The following PDE5A variants were observed in gnomAD, a reference collection of about 807,000 sequenced individuals.
The protein encoded by PDE5A is cGMP-specific 3',5'-cyclic phosphodiesterase.
A neutral mutation model predicts 110.2 loss-of-function variants in PDE5A; 67 were observed. The ratio of observed to expected loss-of-function variants is 0.61; its 90% CI spans 0.50 to 0.75. PDE5A has a LOEUF of 0.75. Among genes scored for constraint, PDE5A ranks in the 30% least tolerant of loss-of-function variants. The pLI, the probability that PDE5A is intolerant of heterozygous loss-of-function variation, is 0.00. For missense variants in PDE5A, 862 were observed against 1,045.1 expected (o/e 0.82, Z 2.42); for synonymous variants, 328 against 351.2 (o/e 0.93, Z 0.74).
chr4:119,504,738 A>C (rs1725499061), intron 17 of PDE5A, 139 bp from the exon 18 acceptor site: 2 of 539,544 alleles, frequency 3.7e-6, no homozygotes, highest in Non-Finnish European at 6.5e-6. Context: ...AAGAAAAAGA[A>C]ACAATTTATA....
chr4:119,627,861 C>T lies in PDE5A; in HGVS notation c.152+659G>A, dbSNP rs535720022. 18 of 186,088 alleles carry T rather than the reference C, an allele frequency of 9.7e-5. 1 individual carries two copies. In the East Asian group the frequency reaches 3.2e-3, roughly 33 times the overall value. 11.5% of individuals were successfully genotyped at this position (186,088 alleles called of 1,614,324 possible). ...GCTCCAGGCGGCGCCTCCCCTGCGC[C>T]CTTTGTGTGCACGCCGCAAACCCCT... On this transcript the variant is annotated intron_variant, in intron 1 of 20. Transcript: ENST00000354960. This position sits in a 1 kb window ranked among gnomAD's most constrained non-coding sequence, Gnocchi z 4.6.
In PDE5A at chr4:119,502,568, G is replaced by A. The variant is rs775997792; in HGVS notation, c.2406+13C>T. The A allele has an allele frequency of 6.7e-7, 1 of 1,493,514 alleles. No individual in the cohort carries two copies. The highest frequency in any genetic ancestry group is 1.8e-5 in the Admixed American group (1 of 55,490). 92.5% of individuals were successfully genotyped at this position (1,493,514 alleles called of 1,614,324 possible). On this transcript the variant is annotated intron_variant, in intron 19 of 20. Coordinates refer to ENST00000354960, the MANE Select transcript of PDE5A (RefSeq NM_001083.4). ...AATTTGAATAATTCCTACCAACAAG[G>A]TTTCATACTTACAGTGGGTTCTATG...
intron 3 of PDE5A, among the ~76,000 whole-genome samples, chr4:119,583,969 G>GA (rs2110524141): frequency 6.6e-6 from 1 of 152,298 alleles, no homozygotes; most frequent in Non-Finnish European, 1.5e-5. Flanking sequence ...TGATAGCAGG[G>GA]AAAACTTTAA....
Position 119,582,091 on chromosome 4 carries a change from T to G in PDE5A, c.831+14432A>C, listed in dbSNP as rs369034219. Among the ~76,000 whole-genome samples the G allele has an allele frequency of 2.6e-5, 4 of 152,316 alleles. No individual in the cohort carries two copies. In the East Asian group the frequency reaches 7.7e-4, roughly 29 times the overall value. ...GATTGACTCTTCCTTTCATGATAGA[T>G]TCCTCTGTAGCATGTGATGCTGTTT... is the stretch of plus-strand genomic sequence containing the variant. On this transcript the variant is annotated intron_variant, in intron 3 of 20. Transcript: ENST00000354960.
intron 9 of PDE5A, among the ~76,000 whole-genome samples, chr4:119,545,336 C>A (rs1377368546): frequency 6.6e-6 from 1 of 152,054 alleles, no homozygotes; most frequent in Admixed American, 6.5e-5. Context: ...TTAAGGAGTA[C>A]AATAATGAAA....
At chr4:119,541,601 T>A (rs1726931159) in intron 10 of PDE5A, among the ~76,000 whole-genome samples, 1 of 152,110 alleles carries the variant, frequency 6.6e-6, no homozygotes, top group Non-Finnish European at 1.5e-5. Flanking sequence ...TCTAGCTCTT[T>A]AAGGTTAGTT....
At chr4:119,528,517 G>A (rs1044230072) in intron 11 of PDE5A, among the ~76,000 whole-genome samples, 2 of 152,070 alleles carry the variant, frequency 1.3e-5, no homozygotes, top group African/African-American at 4.8e-5. Context: ...ATGAGATGAT[G>A]ATCAGAAACA....
Position 119,562,936 on chromosome 4 carries a change from T to C in PDE5A, c.1028A>G (p.Glu343Gly). 1 of 1,599,900 alleles carries C rather than the reference T, an allele frequency of 6.3e-7. No individual in the cohort carries two copies. The highest frequency in any genetic ancestry group is 8.5e-7 in the Non-Finnish European group (1 of 1,175,320). The change falls in exon 6 of 21, where the codon GAA becomes GGA. Residue 343 changes from glutamate to glycine, a missense_variant. Glu to Gly is a moderately conservative substitution (Grantham distance 98, BLOSUM62 -2). Transcript: ENST00000354960. ...CAAAATTACTTCTAATGATTGTTGT[T>C]CTTCAAAAATTAAACTAGCAAGGTC... ...LLDLASLIFEEQQSLEVILKK... is the reference protein window; with the variant it reads ...LLDLASLIFEGQQSLEVILKK...
intron 11 of PDE5A, among the ~76,000 whole-genome samples, chr4:119,537,708 C>T (rs181108542): frequency 3.3e-5 from 5 of 151,920 alleles, no homozygotes; most frequent in Non-Finnish European, 4.4e-5. Context: ...ACCACCTCAT[C>T]GCTTGAGTCC....
At chr4:119,532,887 G>A (rs1202692649) in intron 11 of PDE5A, among the ~76,000 whole-genome samples, 1 of 152,070 alleles carries the variant, frequency 6.6e-6, no homozygotes, top group African/African-American at 2.4e-5. Context: ...AAGGCATTCT[G>A]CTTGCCTTAG....
chr4:119,504,421 G>A (rs1403583394), intron 18 of PDE5A, 115 bp downstream of exon 18: 3 of 720,244 alleles, frequency 4.2e-6, no homozygotes, highest in Non-Finnish European at 6.9e-6. Context: ...GAACATATAA[G>A]TGTCTTTTTT....
At chr4:119,510,731 C>T (rs977619250) in intron 15 of PDE5A, among the ~76,000 whole-genome samples, 3 of 152,018 alleles carry the variant, frequency 2.0e-5, no homozygotes, top group Non-Finnish European at 2.9e-5. Context: ...ATAGAAACCA[C>T]TTCATTCGAT....
chr4:119,607,774 A>T (rs1237467569), intron 1 of PDE5A, among the ~76,000 whole-genome samples: 1 of 152,148 alleles, frequency 6.6e-6, no homozygotes, highest in African/African-American at 2.4e-5. Context: ...TTTGGAAAAC[A>T]ATAGAGGACA....
chr4:119,602,688 A>T (rs1560636415), intron 2 of PDE5A, among the ~76,000 whole-genome samples: 1 of 152,224 alleles, frequency 6.6e-6, no homozygotes, highest in African/African-American at 2.4e-5. Flanking sequence ...AACAATTCGT[A>T]TTTCTTTAGA....
At chr4:119,507,234 C>A (rs943923395) in intron 16 of PDE5A, among the ~76,000 whole-genome samples, 1 of 151,668 alleles carries the variant, frequency 6.6e-6, no homozygotes, top group African/African-American at 2.4e-5. Flanking sequence ...GCTTGAATGA[C>A]GGTATAAAGG....
chr4:119,608,026 T>C (rs974772372), intron 1 of PDE5A, among the ~76,000 whole-genome samples: 1 of 152,194 alleles, frequency 6.6e-6, no homozygotes, highest in Non-Finnish European at 1.5e-5. Flanking sequence ...TTTGTCTAAA[T>C]TTGGCTTGCT....
At chr4:119,624,299 CAAT>C (rs1298941879) in intron 1 of PDE5A, among the ~76,000 whole-genome samples, 1 of 151,490 alleles carries the variant, frequency 6.6e-6, no homozygotes, top group African/African-American at 2.4e-5. Flanking sequence ...ATTATAGAAA[CAAT>C]AATTTAAAAA....
In PDE5A at chr4:119,525,793, G is replaced by T; in HGVS notation, c.1633-98C>A. ...TTGCTGCAGAGAAATAGCATATTGTGGCTTTTTTTTCCTTTTTAATGAAAG... is the reference window on the plus strand; with the variant it reads ...TTGCTGCAGAGAAATAGCATATTGTTGCTTTTTTTTCCTTTTTAATGAAAG... On this transcript the variant is annotated intron_variant, in intron 11 of 20. Transcript: ENST00000354960. This position sits in a 1 kb window ranked among gnomAD's most constrained non-coding sequence, Gnocchi z 4.3. 8.0e-7 allele frequency: 1 copy of T among 1,248,558 alleles called. No homozygotes were observed. Among genetic ancestry groups the T allele is most frequent in the Non-Finnish European group, 1.1e-6 (1 of 902,806 alleles). The allele number at this position is 1,248,558 out of a possible 1,614,324, so 77.3% of individuals were successfully genotyped here. A position where few individuals can be genotyped will look rare whatever the true frequency, so the allele number is the denominator to read the frequency against.
At chr4:119,503,770 G>A (rs898145176) in intron 18 of PDE5A, among the ~76,000 whole-genome samples, 2 of 152,050 alleles carry the variant, frequency 1.3e-5, no homozygotes, top group Admixed American at 1.3e-4. Context: ...AATGAAAACT[G>A]TGCTAATGTA....
Sources: allele counts gnomAD v4.1 joint callset (sites outside exome capture counted in the v4.1 genomes callset), GRCh38; gene constraint gnomAD v4.1.1; non-coding constraint Gnocchi (gnomAD v3.1); transcripts MANE v1.5; gene names NCBI Gene and HGNC (gene_info 2026-07-23, HGNC 2026-07-21).